The following VWF variants were observed in gnomAD, a reference collection of about 807,000 sequenced individuals.
VWF encodes Factor VIII related antigen.
VWF carries 176 observed loss-of-function variants against 308.6 expected under a neutral mutation model. The ratio of observed to expected loss-of-function variants is 0.57; its 90% CI spans 0.50 to 0.65. The LOEUF (loss-of-function observed/expected upper bound fraction) is 0.65, where lower values mean the gene tolerates loss of function less well. Among genes scored for constraint, VWF ranks in the 30% least tolerant of loss-of-function variants. The pLI is 0.00. For synonymous variants in VWF, 1,385 were observed against 1,443.4 expected (o/e 0.96, Z 0.92); for missense variants, 3,146 against 3,648.2 (o/e 0.86, Z 3.55).
chr12:6,032,912 AG>A (rs1944286994), intron 20 of VWF, among the ~76,000 whole-genome samples: 1 of 151,874 alleles, frequency 6.6e-6, no homozygotes, highest in Non-Finnish European at 1.5e-5. Flanking sequence ...ACACACACGT[AG>A]CCATACACAC....
intron 47 of VWF, 129 bp downstream of exon 47, chr12:5,967,357 T>C: frequency 1.2e-6 from 1 of 828,478 alleles, no homozygotes; most frequent in Non-Finnish European, 2.1e-6. Context: ...TTCTTTATTA[T>C]TGTCAATTAT....
intron 16 of VWF, among the ~76,000 whole-genome samples, chr12:6,050,686 G>A (rs982253629): frequency 5.9e-5 from 9 of 152,314 alleles, no homozygotes; most frequent in Admixed American, 2.6e-4. Flanking sequence ...CAGGCTGGGC[G>A]TGGTGGCTCA....
intron 20 of VWF, among the ~76,000 whole-genome samples, chr12:6,032,691 T>C (rs1285578464): frequency 2.0e-5 from 3 of 151,954 alleles, no homozygotes; most frequent in Non-Finnish European, 4.4e-5. Flanking sequence ...CTGCCACTTA[T>C]TGGTAACACT....
At chr12:5,984,272 G>A (rs1411754756) in intron 40 of VWF, among the ~76,000 whole-genome samples, 1 of 152,204 alleles carries the variant, frequency 6.6e-6, no homozygotes, top group Non-Finnish European at 1.5e-5. Flanking sequence ...GATCCCTCTA[G>A]TTCTCTCTAC....
At chr12:6,100,711 G>A (rs1189568691) in intron 5 of VWF, among the ~76,000 whole-genome samples, 3 of 152,172 alleles carry the variant, frequency 2.0e-5, no homozygotes, top group Non-Finnish European at 4.4e-5. Flanking sequence ...ATGGACACAG[G>A]AAGGGGAACA....
chr12:5,989,485 T>G (rs1344942667), intron 38 of VWF, among the ~76,000 whole-genome samples: 1 of 152,258 alleles, frequency 6.6e-6, no homozygotes, highest in Non-Finnish European at 1.5e-5. Context: ...TCATTTAAAC[T>G]GTATTTTCTG....
Position 5,952,662 on chromosome 12 carries a change from C to T in VWF, c.7987-143G>A, listed in dbSNP as rs1268406759. Reference sequence around the variant, plus strand: ...AAGACAGTGTATAATAAAGCCCCCACACCCAGAACACAGACCAGAAGTGGA... The same window carrying T: ...AAGACAGTGTATAATAAAGCCCCCATACCCAGAACACAGACCAGAAGTGGA... On this transcript the variant is annotated intron_variant, in intron 48 of 51. Transcript: ENST00000261405. 3.5e-6 allele frequency: 4 copies of T among 1,157,882 alleles called. No homozygotes were observed. The East Asian group carries it at 1.1e-4, about 31-fold the overall frequency. 71.7% of individuals were successfully genotyped at this position (1,157,882 alleles called of 1,614,324 possible). A position where few individuals can be genotyped will look rare whatever the true frequency, so the allele number is the denominator to read the frequency against.
rs546011120 is a variant in VWF at position 5,963,804 on chromosome 12, T to C, written c.7887+3682A>G. ...ATAAGGTAAGAGCGCCTTATTTATA[T>C]CTGCATCGGACAAAGAAGCAGCTTC... On this transcript the variant is annotated intron_variant, in intron 47 of 51. Transcript: ENST00000261405. Among the ~76,000 whole-genome samples the C allele has an allele frequency of 2.6e-5, 4 of 152,226 alleles. No homozygotes were observed. The South Asian group carries it at 8.3e-4, about 32-fold the overall frequency.
At chr12:6,111,399 G>A (rs1371442399) in intron 3 of VWF, among the ~76,000 whole-genome samples, 1 of 152,132 alleles carries the variant, frequency 6.6e-6, no homozygotes, top group Non-Finnish European at 1.5e-5. Context: ...TTGAGACAGG[G>A]TTGTGCTCTG....
At position 5,996,065 on chromosome 12, in the gene VWF, G is replaced by A. The variant is rs376954444; in HGVS notation, c.6000C>T (p.Gly2000=). The stretch of plus-strand genomic sequence containing the variant: ...GCTTCACCTCGATGGATTTCATGCA[G>A]CCCTGCCTTGCTCCAGGGCTGCAGG... ...NGACSPGARQ[G]CMKSIEVKHS... is the part of the protein sequence containing the mutation. The change falls in exon 35 of 52, where the codon GGC becomes GGT. Residue 2000 remains glycine, a synonymous_variant. Transcript: ENST00000261405. 50 of 1,613,864 alleles carry A rather than the reference G, an allele frequency of 3.1e-5. No individual in the cohort carries two copies. Among genetic ancestry groups the A allele is most frequent in the Non-Finnish European group, 3.8e-5 (45 of 1,180,034 alleles).
chr12:5,990,047 G>A (rs970023014), intron 38 of VWF, among the ~76,000 whole-genome samples: 7 of 152,190 alleles, frequency 4.6e-5, no homozygotes, highest in Non-Finnish European at 8.8e-5. Flanking sequence ...ACTTAACTTG[G>A]CAAGTTGAAA....
rs998005497 is a variant in VWF at position 6,034,623 on chromosome 12, G to A, written c.2685+65C>T. ...CAGACAGATCCACAGAACCCAACCT[G>A]AGGCCACACCTCCCACCCCTCCTAG... On this transcript the variant is annotated intron_variant, in intron 20 of 51. Coordinates refer to ENST00000261405, the MANE Select transcript of VWF (RefSeq NM_000552.5). 9 of 1,611,298 alleles carry A rather than the reference G, an allele frequency of 5.6e-6. No individual in the cohort carries two copies. In the Admixed American group the frequency reaches 8.3e-5, roughly 15 times the overall value.
chr12:6,031,946 G>C (rs1237401245), intron 20 of VWF, among the ~76,000 whole-genome samples: 1 of 152,198 alleles, frequency 6.6e-6, no homozygotes, highest in Non-Finnish European at 1.5e-5. Context: ...GTCCCACCCA[G>C]GTAACTGGGA....
In VWF at chr12:6,034,640, C is replaced by T. The variant is rs771731695; in HGVS notation, c.2685+48G>A. On this transcript the variant is annotated intron_variant, in intron 20 of 51. Coordinates refer to ENST00000261405, the MANE Select transcript of VWF (RefSeq NM_000552.5). ...CCCAACCTGAGGCCACACCTCCCAC[C>T]CCTCCTAGAAAGAAACAGCACCCTC... 4.3e-6 allele frequency: 7 copies of T among 1,613,020 alleles called. No homozygotes were observed. The South Asian group carries it at 6.6e-5, about 15-fold the overall frequency.
At chr12:5,966,029 G>A (rs1943398128) in intron 47 of VWF, among the ~76,000 whole-genome samples, 1 of 152,196 alleles carries the variant, frequency 6.6e-6, no homozygotes, top group Non-Finnish European at 1.5e-5. Flanking sequence ...CAGATACGGA[G>A]GAAGCGGCTG....
At chr12:6,077,358 C>T (rs2076122786) in intron 6 of VWF, among the ~76,000 whole-genome samples, 2 of 152,174 alleles carry the variant, frequency 1.3e-5, no homozygotes, top group African/African-American at 4.8e-5. Flanking sequence ...AAAGCACCCA[C>T]CGGCATGGGC....
In VWF at chr12:6,003,788, C is replaced by G. The variant is rs118144248; in HGVS notation, c.5843-7566G>C. On this transcript the variant is annotated intron_variant, in intron 34 of 51. Coordinates refer to ENST00000261405, the MANE Select transcript of VWF (RefSeq NM_000552.5). ...GCAATGGATGGTGGTGATGGTTGCA[C>G]AACAATGTGGATTTTCTTTCTCTCT... 9.6e-3 allele frequency among the ~76,000 whole-genome samples: 1,430 copies of G among 148,734 alleles called. 8 individuals carry two copies. The highest frequency in any genetic ancestry group is 0.016 in the Non-Finnish European group (1,060 of 67,346).
intron 10 of VWF, among the ~76,000 whole-genome samples, chr12:6,069,433 G>C (rs1043899190): frequency 1.3e-5 from 2 of 152,120 alleles, no homozygotes; most frequent in Non-Finnish European, 2.9e-5. Context: ...GGGCTGCAGA[G>C]AAGCTCCGGC....
intron 6 of VWF, among the ~76,000 whole-genome samples, chr12:6,086,757 G>A (rs896161716): frequency 5.3e-5 from 8 of 152,176 alleles, no homozygotes; most frequent in Non-Finnish European, 7.3e-5. Flanking sequence ...GAAAGGGCTG[G>A]TAGGTCCTTT....
Sources: gnomAD v4.1 joint callset for allele counts (sites outside exome capture counted in the v4.1 genomes callset) on GRCh38, gnomAD v4.1.1 for gene constraint, MANE v1.5 for transcripts, NCBI Gene and HGNC (gene_info 2026-07-23, HGNC 2026-07-21) for gene names.